ERMP1: variants seen among roughly 807,000 people sequenced by gnomAD.
ERMP1 encodes Felix-ina.
ERMP1 carries 86 observed loss-of-function variants against 92.0 expected under a neutral mutation model. The observed-to-expected ratio is 0.93, with a 90% CI of 0.79 to 1.12. ERMP1 has a LOEUF of 1.12. Among genes scored for constraint, ERMP1 ranks in the 50% most tolerant of loss-of-function variants. The probability of loss-of-function intolerance (pLI) is 0.00; values close to 1 mark genes in which losing one functional copy is unlikely to be tolerated. For missense variants in ERMP1, 1,342 were observed against 1,116.3 expected, an observed-to-expected ratio of 1.20 and a Z score of -2.88; for synonymous variants, 530 against 412.8, an observed-to-expected ratio of 1.28 and a Z score of -3.44.
chr9:5,831,596 G>A (rs1487130908), intron 1 of ERMP1, among the ~76,000 whole-genome samples: 2 of 152,068 alleles, frequency 1.3e-5, no homozygotes, highest in Non-Finnish European at 2.9e-5. Flanking sequence ...ACAGAGCCAG[G>A]CCCTGTCTCA....
At chr9:5,841,481 T>G (rs143303741) in intron 6 of ERMP1, among the ~76,000 whole-genome samples, 2 of 152,144 alleles carry the variant, frequency 1.3e-5, no homozygotes, top group Non-Finnish European at 2.9e-5. Flanking sequence ...TTAAAAGGTA[T>G]GGGGTTTCCT....
intron 2 of ERMP1, among the ~76,000 whole-genome samples, chr9:5,828,255 G>A (rs1361613300): frequency 1.3e-5 from 2 of 152,184 alleles, no homozygotes; most frequent in Non-Finnish European, 2.9e-5. Context: ...AAGAGTAACT[G>A]AATATGCACT....
intron 12 of ERMP1, among the ~76,000 whole-genome samples, chr9:5,798,476 A>G (rs71498636): frequency 6.6e-6 from 1 of 152,126 alleles, no homozygotes; most frequent in African/African-American, 2.4e-5. Context: ...TCGGCCTCCC[A>G]AAGTGCTGGG....
chr9:5,801,273 A>G lies in ERMP1; in HGVS notation c.1970T>C (p.Leu657Ser), dbSNP rs1428262071. 1.9e-6 allele frequency: 3 copies of G among 1,613,650 alleles called. No individual in the cohort carries two copies. The East Asian group carries it at 6.7e-5, about 36-fold the overall frequency. ...STKKTMLTLTLVCAITFLLVC... is the reference protein window; with the variant it reads ...STKKTMLTLTSVCAITFLLVC... ...AAGGAGGAATGTAATTGCACATACC[A>G]AAGTTAAAGTTAGCATGGTTTTTTT... Residue 657 changes from leucine to serine, a missense_variant, in exon 11 of 15, where the codon TTG (leucine) becomes TCG (serine). By Grantham distance (145) the Leu-to-Ser change is moderately radical (BLOSUM62 -2). Coordinates refer to ENST00000339450, the MANE Select transcript of ERMP1 (RefSeq NM_024896.3).
upstream of ERMP1, among the ~76,000 whole-genome samples, chr9:5,836,934 C>T (rs973311925): frequency 6.6e-6 from 1 of 152,128 alleles, no homozygotes; most frequent in Admixed American, 6.5e-5. Context: ...TTTTAACCCC[C>T]CCTCAAATTC....
At chr9:5,842,343 G>T (rs1428933838) in intron 6 of ERMP1, among the ~76,000 whole-genome samples, 2 of 148,054 alleles carry the variant, frequency 1.4e-5, no homozygotes, top group Non-Finnish European at 3.0e-5. Context: ...AGACAGAGAA[G>T]TTCTCCAAGT....
At chr9:5,847,957 C>T (rs1009442995) in intron 6 of ERMP1, among the ~76,000 whole-genome samples, 1 of 149,782 alleles carries the variant, frequency 6.7e-6, no homozygotes, top group Non-Finnish European at 1.5e-5. Flanking sequence ...ACAAAACAAA[C>T]CCCGTAAGAT....
intron 1 of ERMP1, 113 bp downstream of exon 1, chr9:5,832,577 C>G: frequency 1.2e-6 from 1 of 838,458 alleles, no homozygotes; most frequent in Non-Finnish European, 1.7e-6. Flanking sequence ...TGGGAGGGGT[C>G]AGCGAGTCCC....
At chr9:5,846,961 C>T (rs925192919) in intron 6 of ERMP1, among the ~76,000 whole-genome samples, 1 of 152,162 alleles carries the variant, frequency 6.6e-6, no homozygotes, top group African/African-American at 2.4e-5. Context: ...GAGACCATTT[C>T]CTTCAGGTTT....
chr9:5,819,842 TAGAC>T (rs1450634411), intron 4 of ERMP1, among the ~76,000 whole-genome samples: 1 of 152,160 alleles, frequency 6.6e-6, no homozygotes, highest in Non-Finnish European at 1.5e-5. Context: ...AGACACAAAG[TAGAC>T]AGGCAGTTGC....
rs149387264 is a variant in ERMP1 at position 5,819,833 on chromosome 9, GAC to G, written c.874+4061_874+4062del. ...TGTCTACAGCAGGAAAATCTATAGA[GAC>G]ACAAAGTAGACAGGCAGTTGCCTAG... is the stretch of plus-strand genomic sequence containing the variant. On this transcript the variant is annotated intron_variant, in intron 4 of 14. Transcript: ENST00000339450. Among the ~76,000 whole-genome samples, 1,181 of 152,292 alleles carry G rather than the reference GAC, an allele frequency of 7.8e-3. 17 individuals carry two copies. The highest frequency in any genetic ancestry group is 0.026 in the African/African-American group (1,080 of 41,570).
At chr9:5,857,604 C>T (rs1554629661) in intron 6 of ERMP1, among the ~76,000 whole-genome samples, 1 of 152,280 alleles carries the variant, frequency 6.6e-6, no homozygotes, top group Middle Eastern at 3.4e-3. Flanking sequence ...ATTGACTGAA[C>T]CCAACCAGAG....
chr9:5,807,909 C>T (rs1391608257), intron 8 of ERMP1, among the ~76,000 whole-genome samples: 4 of 152,190 alleles, frequency 2.6e-5, no homozygotes, highest in Non-Finnish European at 5.9e-5. Flanking sequence ...ATCATTCCCA[C>T]ACCTTCCCAA....
intron 6 of ERMP1, among the ~76,000 whole-genome samples, chr9:5,840,237 G>A (rs1042625815): frequency 5.3e-5 from 8 of 151,892 alleles, no homozygotes; most frequent in African/African-American, 1.5e-4. Context: ...GTGAGACTTC[G>A]TCAAAAAAGA....
At chr9:5,840,186 G>A (rs922794642) in intron 6 of ERMP1, among the ~76,000 whole-genome samples, 3 of 152,138 alleles carry the variant, frequency 2.0e-5, no homozygotes, top group Non-Finnish European at 2.9e-5. Context: ...AGATTGCAGC[G>A]AGCTGTGATG....
intron 4 of ERMP1, among the ~76,000 whole-genome samples, chr9:5,821,734 A>T (rs2131259574): frequency 6.6e-6 from 1 of 152,372 alleles, no homozygotes; most frequent in East Asian, 1.9e-4. Flanking sequence ...TATAGGGGCA[A>T]GGTGCTGTGC....
intron 1 of ERMP1, among the ~76,000 whole-genome samples, chr9:5,832,262 GTGCACTAGCGCC>G (rs1829970625): frequency 6.6e-6 from 1 of 152,120 alleles, no homozygotes; most frequent in African/African-American, 2.4e-5. Context: ...AGTTAGAACA[GTGCACTAGCGCC>G]TTCCAAAACT....
At chr9:5,832,479 G>C (rs1829985352) in intron 1 of ERMP1, 1 of 473,898 alleles carries the variant, frequency 2.1e-6, no homozygotes, top group Admixed American at 4.4e-5. Flanking sequence ...TGCACCACGA[G>C]CTTAACCGGG....
chr9:5,813,275 G>C lies in ERMP1; in HGVS notation c.875-240C>G, dbSNP rs141540729. On this transcript the variant is annotated intron_variant, in intron 4 of 14. Transcript: ENST00000339450. Reference sequence around the variant, plus strand: ...ATAACAGCAATACAAAAGTCTGTCTGAAAATGAAAGATCATTCATAAATCT... The same window carrying C: ...ATAACAGCAATACAAAAGTCTGTCTCAAAATGAAAGATCATTCATAAATCT... Among the ~76,000 whole-genome samples the C allele has an allele frequency of 1.3e-4, 20 of 152,176 alleles. No individual in the cohort carries two copies. In the East Asian group the frequency reaches 2.7e-3, roughly 21 times the overall value.
Sources: gnomAD v4.1 joint callset for allele counts (sites outside exome capture counted in the v4.1 genomes callset) on GRCh38, gnomAD v4.1.1 for gene constraint, MANE v1.5 for transcripts, NCBI Gene and HGNC (gene_info 2026-07-23, HGNC 2026-07-21) for gene names.